The following GFPT2 variants were observed in gnomAD, a reference collection of about 807,000 sequenced individuals.
The protein encoded by GFPT2 is glutamine--fructose-6-phosphate transaminase 2.
A neutral mutation model predicts 85.6 loss-of-function variants in GFPT2; 62 were observed. The observed-to-expected ratio is 0.72, with a 90% confidence interval of 0.59 to 0.90. GFPT2 has a LOEUF of 0.90. Ranked by LOEUF, GFPT2 falls within the 40% of genes least tolerant of loss-of-function variation. GFPT2 has a pLI of 0.00. For synonymous variants in GFPT2, 368 were observed against 344.5 expected (o/e 1.07, Z -0.75); for missense variants, 788 against 893.4 (o/e 0.88, Z 1.50).
chr5:180,325,990 A>G (rs1454931731), intron 7 of GFPT2, among the ~76,000 whole-genome samples: 2 of 152,192 alleles, frequency 1.3e-5, no homozygotes, highest in African/African-American at 2.4e-5. Flanking sequence ...GTGCCACTGC[A>G]CTCCAGCTTG....
intron 1 of GFPT2, among the ~76,000 whole-genome samples, chr5:180,340,597 C>T (rs9686363): frequency 0.066 from 9,868 of 149,862 alleles, 466 homozygotes; most frequent in African/African-American, 0.13. Context: ...CTGCAAGCTC[C>T]GCCTCCCAGG....
intron 13 of GFPT2, among the ~76,000 whole-genome samples, chr5:180,315,888 G>A (rs1763997194): frequency 6.6e-6 from 1 of 152,218 alleles, no homozygotes; most frequent in African/African-American, 2.4e-5. Flanking sequence ...TGGGCAGCAT[G>A]GGCACTGCAT....
At position 180,318,630 on chromosome 5, in the gene GFPT2, A is replaced by G; in HGVS notation, c.958+163T>C. 2 of 615,162 alleles carry G rather than the reference A, an allele frequency of 3.3e-6. No homozygotes were observed. The highest frequency in any genetic ancestry group is 4.1e-5 in the South Asian group (2 of 49,286). 38.1% of individuals were successfully genotyped at this position (615,162 alleles called of 1,614,324 possible). A position where few individuals can be genotyped will look rare whatever the true frequency, so the allele number is the denominator to read the frequency against. On this transcript the variant is annotated intron_variant, in intron 10 of 18. Transcript: ENST00000253778. The surrounding 1 kb of genome is among the most constrained non-coding windows in gnomAD (Gnocchi z 4.2). The stretch of plus-strand genomic sequence containing the variant: ...GGAGGTGCCAGGCCAGCCTCCCCAC[A>G]TCCCCTCACCTGTGCAAGCCACAGG...
intron 7 of GFPT2, among the ~76,000 whole-genome samples, chr5:180,327,260 G>C: frequency 6.6e-6 from 1 of 152,188 alleles, no homozygotes; most frequent in East Asian, 1.9e-4. Flanking sequence ...CACAGCCTTT[G>C]AGGCCCTGGA....
At chr5:180,332,756 T>C (rs557891134) in intron 4 of GFPT2, among the ~76,000 whole-genome samples, 1 of 152,240 alleles carries the variant, frequency 6.6e-6, no homozygotes, top group African/African-American at 2.4e-5. Flanking sequence ...GCCAGGCTGG[T>C]CTCGAACTCC....
chr5:180,309,896 T>G (rs1401037646), intron 15 of GFPT2, among the ~76,000 whole-genome samples: 1 of 148,364 alleles, frequency 6.7e-6, no homozygotes, highest in East Asian at 2.1e-4. Flanking sequence ...CTGCAAACTC[T>G]GCCTCCCAGG....
At position 180,302,433 on chromosome 5, in the gene GFPT2, C is replaced by T. The variant is rs763339547; in HGVS notation, c.1994G>A (p.Arg665Gln). The T allele has an allele frequency of 1.5e-5, 24 of 1,613,524 alleles. No individual in the cohort carries two copies. Among genetic ancestry groups the T allele is most frequent in the Non-Finnish European group, 1.8e-5 (21 of 1,179,808 alleles). ...QLLSFHLAVL[R>Q]GYDVDFPRNL... is the part of the protein sequence containing the mutation. ...AGTTTTTAGACGCACGTCATATCCT[C>T]GGAGAACAGCCAGGTGGAAGGACAG... is the stretch of plus-strand genomic sequence containing the variant. Residue 665 changes from arginine (R) to glutamine (Q), a missense_variant, in exon 18 of 19, where the codon CGA (arginine) becomes CAA (glutamine). Arg to Gln is a conservative substitution (Grantham distance 43). Coordinates refer to ENST00000253778, the MANE Select transcript of GFPT2 (RefSeq NM_005110.4).
intron 17 of GFPT2, among the ~76,000 whole-genome samples, chr5:180,303,025 C>G (rs534572085): frequency 1.3e-5 from 2 of 150,632 alleles, no homozygotes; most frequent in African/African-American, 2.4e-5. Flanking sequence ...GTCAGGAGAT[C>G]GAGACCATCC....
rs760712327 is a variant in GFPT2, at chr5:180,331,495, C to T, written c.399G>A (p.Leu133=). 2 of 1,565,430 alleles carry T rather than the reference C, an allele frequency of 1.3e-6. No homozygotes were observed. Among genetic ancestry groups the T allele is most frequent in the East Asian group, 4.5e-5 (2 of 44,654 alleles). The change falls in exon 5 of 19, where the codon CTG becomes CTA. Residue 133 remains leucine, a splice_region_variant and synonymous_variant. Coordinates refer to ENST00000253778, the MANE Select transcript of GFPT2 (RefSeq NM_005110.4). ...ITNYKDLRKF[L]ESKGYEFESE... ...ACATCACCTAGGGGAAGCATCTTAC[C>T]AGAAATTTCCTCAGATCTTTGTAAT... is the stretch of plus-strand genomic sequence containing the variant.
intron 7 of GFPT2, among the ~76,000 whole-genome samples, chr5:180,325,500 A>T (rs1438560716): frequency 1.3e-5 from 2 of 152,140 alleles, no homozygotes; most frequent in African/African-American, 2.4e-5. Flanking sequence ...TAGAATCTTC[A>T]CCCCGCACCA....
chr5:180,349,340 T>C (rs532959635), intron 1 of GFPT2, among the ~76,000 whole-genome samples: 61 of 152,290 alleles, frequency 4.0e-4, no homozygotes, highest in Non-Finnish European at 7.2e-4. Context: ...AATAGTTTAA[T>C]TGTTTTATTG....
At chr5:180,305,335 G>C (rs774608381) in intron 16 of GFPT2, among the ~76,000 whole-genome samples, 1 of 151,982 alleles carries the variant, frequency 6.6e-6, no homozygotes, top group Non-Finnish European at 1.5e-5. Context: ...TACACCTTCA[G>C]TTAATTATCT....
At position 180,321,823 on chromosome 5, in the gene GFPT2, G is replaced by A. The variant is rs565688036; in HGVS notation, c.794+2365C>T. On this transcript the variant is annotated intron_variant, in intron 9 of 18. Coordinates refer to ENST00000253778, the MANE Select transcript of GFPT2 (RefSeq NM_005110.4). Reference sequence around the variant, plus strand: ...TTTTGAGACGGAGTCTCGCTCTGTTGCCCAGGCTGGAGTGCAGTGGCGCGA... The same window carrying A: ...TTTTGAGACGGAGTCTCGCTCTGTTACCCAGGCTGGAGTGCAGTGGCGCGA... Among the ~76,000 whole-genome samples the A allele has an allele frequency of 2.6e-3, 395 of 152,330 alleles. 2 individuals are homozygous for A. Among genetic ancestry groups the A allele is most frequent in the African/African-American group, 9.0e-3 (373 of 41,578 alleles).
rs145130620 is a variant in GFPT2 at position 180,308,941 on chromosome 5, C to A, written c.1547-1638G>T. ...CTGGGGTGCAGTGGCACGATCTCGG[C>A]TCACTGTAACCTCGGCCACCCGGGT... is the stretch of plus-strand genomic sequence containing the variant. On this transcript the variant is annotated intron_variant, in intron 15 of 18. Coordinates refer to ENST00000253778, the MANE Select transcript of GFPT2 (RefSeq NM_005110.4). 3.1e-3 allele frequency among the ~76,000 whole-genome samples: 468 copies of A among 151,874 alleles called. 22 individuals carry two copies. In the East Asian group the frequency reaches 0.078, roughly 25 times the overall value.
chr5:180,347,098 C>T lies in GFPT2; in HGVS notation c.7+6113G>A, dbSNP rs548377676. Among the ~76,000 whole-genome samples the T allele has an allele frequency of 2.6e-5, 4 of 152,322 alleles. No individual in the cohort carries two copies. The East Asian group carries it at 7.7e-4, about 29-fold the overall frequency. ...GGGGGATGCTGAGCGCCCAGAGGGG[C>T]TGGACAGGGAGGTGCCTTCAGGTTC... On this transcript the variant is annotated intron_variant, in intron 1 of 18. Coordinates refer to ENST00000253778, the MANE Select transcript of GFPT2 (RefSeq NM_005110.4).
chr5:180,352,774 C>T (rs1764741451), intron 1 of GFPT2: 2 of 316,822 alleles, frequency 6.3e-6, no homozygotes, highest in South Asian at 4.6e-5. Flanking sequence ...GTGGGCGCGG[C>T]GGGCTGAGTC....
rs749163403 is a variant in GFPT2 at position 180,302,415 on chromosome 5, A to G, written c.2004+8T>C. On this transcript the variant is annotated splice_region_variant and intron_variant, in intron 18 of 18. Coordinates refer to ENST00000253778, the MANE Select transcript of GFPT2 (RefSeq NM_005110.4). The stretch of plus-strand genomic sequence containing the variant: ...CTCTCTGCTGTTAGGTGCAGTTTTT[A>G]GACGCACGTCATATCCTCGGAGAAC... 2.5e-6 allele frequency: 4 copies of G among 1,610,896 alleles called. No individual in the cohort carries two copies. Among genetic ancestry groups the G allele is most frequent in the Non-Finnish European group, 3.4e-6 (4 of 1,178,230 alleles).
In GFPT2 at chr5:180,323,550, G is replaced by C. The variant is rs552613346; in HGVS notation, c.794+638C>G. ...TCTCTCTCTCCCTCTCTCTCTCTCTGTGTGTGTGTGAGTGTGTGTATAACT... is the reference window on the plus strand; with the variant it reads ...TCTCTCTCTCCCTCTCTCTCTCTCTCTGTGTGTGTGAGTGTGTGTATAACT... On this transcript the variant is annotated intron_variant, in intron 9 of 18. Coordinates refer to ENST00000253778, the MANE Select transcript of GFPT2 (RefSeq NM_005110.4). The surrounding 1 kb of genome is among the most constrained non-coding windows in gnomAD (Gnocchi z 4.0). Among the ~76,000 whole-genome samples the C allele has an allele frequency of 1.8e-3, 267 of 151,930 alleles. No individual in the cohort carries two copies. Among genetic ancestry groups the C allele is most frequent in the Middle Eastern group, 6.8e-3 (2 of 294 alleles).
intron 7 of GFPT2, among the ~76,000 whole-genome samples, chr5:180,326,453 T>C (rs749429304): frequency 3.9e-5 from 6 of 152,250 alleles, no homozygotes; most frequent in Middle Eastern, 6.8e-3. Flanking sequence ...CATATATCCA[T>C]AATCTGTTAG....
Sources: gnomAD v4.1 joint callset for allele counts (sites outside exome capture counted in the v4.1 genomes callset) on GRCh38, gnomAD v4.1.1 for gene constraint, Gnocchi (gnomAD v3.1) non-coding constraint, MANE v1.5 for transcripts, NCBI Gene and HGNC (gene_info 2026-07-23, HGNC 2026-07-21) for gene names.